The following ST14 variants were observed in gnomAD, a reference collection of about 807,000 sequenced individuals.
ST14 encodes the protein suppressor of tumorigenicity 14 protein.
Under a neutral mutation model 96.5 loss-of-function variants are expected in ST14, and 40 were observed. The ratio of observed to expected loss-of-function variants is 0.41; its 90% confidence interval spans 0.32 to 0.54. ST14 has a LOEUF of 0.54. ST14 is among the 20% of genes least tolerant of loss of function. The pLI is 0.17. For synonymous variants in ST14, 506 were observed against 492.1 expected (o/e 1.03, Z -0.37); for missense variants, 1,066 against 1,188.9 (o/e 0.90, Z 1.52).
chr11:130,163,627 G>A (rs1231045756), intron 1 of ST14, among the ~76,000 whole-genome samples: 1 of 152,184 alleles, frequency 6.6e-6, no homozygotes, highest in Non-Finnish European at 1.5e-5. Context: ...GTGAGGAAGA[G>A]GGTTGGGAAG....
At chr11:130,166,616 A>G (rs1305641537) in intron 1 of ST14, among the ~76,000 whole-genome samples, 1 of 152,226 alleles carries the variant, frequency 6.6e-6, no homozygotes, top group South Asian at 2.1e-4. Context: ...ATTATGAGTC[A>G]GAGCATCTGG....
intron 7 of ST14, among the ~76,000 whole-genome samples, chr11:130,193,754 G>A (rs886912510): frequency 5.2e-5 from 8 of 152,392 alleles, no homozygotes; most frequent in Admixed American, 5.2e-4. Context: ...ATAGGCGTGA[G>A]CCACTGCGCC....
intron 1 of ST14, among the ~76,000 whole-genome samples, chr11:130,168,839 G>A (rs900460672): frequency 6.6e-5 from 10 of 152,058 alleles, no homozygotes; most frequent in Admixed American, 1.3e-4. Flanking sequence ...CCATGGAAGC[G>A]TGTTTTAGAA....
chr11:130,193,539 G>A (rs969370970), intron 7 of ST14, among the ~76,000 whole-genome samples: 6 of 150,874 alleles, frequency 4.0e-5, no homozygotes, highest in Non-Finnish European at 5.9e-5. Context: ...GTGCGATCTC[G>A]GCTCACTGCA....
intron 16 of ST14, among the ~76,000 whole-genome samples, chr11:130,201,700 C>A (rs1391736960): frequency 6.6e-5 from 10 of 152,394 alleles, no homozygotes. Context: ...CTGCTTCAGC[C>A]TCCTGAGTAG....
intron 16 of ST14, among the ~76,000 whole-genome samples, chr11:130,207,272 C>T (rs778839460): frequency 1.3e-5 from 2 of 152,174 alleles, no homozygotes; most frequent in Non-Finnish European, 1.5e-5. Flanking sequence ...TGTGAGCCAG[C>T]GGGCACGGTG....
At chr11:130,176,474 C>G (rs1485610644) in intron 1 of ST14, among the ~76,000 whole-genome samples, 4 of 150,972 alleles carry the variant, frequency 2.6e-5, no homozygotes, top group Non-Finnish European at 1.5e-5. Flanking sequence ...CTGCAAGCTC[C>G]ACTTCCCGGG....
intron 7 of ST14, among the ~76,000 whole-genome samples, chr11:130,191,382 G>C (rs1315161991): frequency 6.6e-6 from 1 of 151,986 alleles, no homozygotes. Flanking sequence ...GGAATGAGGG[G>C]AAAATGTAAG....
chr11:130,161,074 G>A (rs555957520), intron 1 of ST14, among the ~76,000 whole-genome samples: 1 of 152,206 alleles, frequency 6.6e-6, no homozygotes, highest in Non-Finnish European at 1.5e-5. Flanking sequence ...CCTGATTTTG[G>A]TGCTGTCTCA....
At chr11:130,206,524 G>A (rs192559732) in intron 16 of ST14, among the ~76,000 whole-genome samples, 133 of 152,044 alleles carry the variant, frequency 8.7e-4, no homozygotes, top group Non-Finnish European at 1.7e-3. Context: ...TCAGCATTTA[G>A]GGGCTGCTCA....
Position 130,190,702 on chromosome 11 carries a change from C to T in ST14, c.875+8C>T, listed in dbSNP as rs1219766060. 2 of 1,568,494 alleles carry T rather than the reference C, an allele frequency of 1.3e-6. No homozygotes were observed. Among genetic ancestry groups the T allele is most frequent in the Non-Finnish European group, 1.7e-6 (2 of 1,157,284 alleles). ...GCCCCACGCCCTGGTGCAGTGAGTA[C>T]CCCGGGGGGCGGGTAGGGCTGTGGG... On this transcript the variant is annotated splice_region_variant and intron_variant, in intron 7 of 18. Coordinates refer to ENST00000278742, the MANE Select transcript of ST14 (RefSeq NM_021978.4).
At chr11:130,179,855 C>A (rs750514874) in intron 1 of ST14, among the ~76,000 whole-genome samples, 1 of 152,190 alleles carries the variant, frequency 6.6e-6, no homozygotes, top group East Asian at 1.9e-4. Context: ...TCCAGCACAA[C>A]CTTTAGCCAG....
At chr11:130,197,566 C>T (rs1364338432) in intron 11 of ST14, among the ~76,000 whole-genome samples, 3 of 152,248 alleles carry the variant, frequency 2.0e-5, no homozygotes, top group Non-Finnish European at 4.4e-5. Flanking sequence ...CTCTGCAGGG[C>T]ACCTGGGGCT....
chr11:130,164,332 G>A (rs1012967672), intron 1 of ST14, among the ~76,000 whole-genome samples: 5 of 152,024 alleles, frequency 3.3e-5, no homozygotes, highest in Non-Finnish European at 7.4e-5. Flanking sequence ...CCTAGTCCTG[G>A]GTCAGGCATG....
At chr11:130,174,280 T>C (rs577688213) in intron 1 of ST14, among the ~76,000 whole-genome samples, 21 of 152,338 alleles carry the variant, frequency 1.4e-4, no homozygotes, top group Admixed American at 1.2e-3. Flanking sequence ...CTCATTATTT[T>C]TGGACATCTT....
chr11:130,199,941 C>T lies in ST14; in HGVS notation c.1808-10C>T. 7 of 1,614,086 alleles carry T rather than the reference C, an allele frequency of 4.3e-6. No individual in the cohort carries two copies. The highest frequency in any genetic ancestry group is 5.9e-6 in the Non-Finnish European group (7 of 1,179,986). ...ACTTGCTGTCCTCTGGTTCTCTGCT[C>T]CCTCTGCAGACTGTGGGCTGCGGTC... On this transcript the variant is annotated splice_polypyrimidine_tract_variant and intron_variant, in intron 15 of 18. Coordinates refer to ENST00000278742, the MANE Select transcript of ST14 (RefSeq NM_021978.4).
chr11:130,208,137 C>G (rs1007061980), intron 16 of ST14, among the ~76,000 whole-genome samples: 12 of 152,128 alleles, frequency 7.9e-5, no homozygotes, highest in African/African-American at 2.7e-4. Context: ...TGTGAAAGAT[C>G]AGGTTCGTAA....
intron 7 of ST14, 69 bp from the exon 8 acceptor site, chr11:130,194,080 C>T (rs1050996071): frequency 3.7e-6 from 6 of 1,610,012 alleles, no homozygotes; most frequent in Non-Finnish European, 5.1e-6. Context: ...TGCCTGAGAG[C>T]CTGGTTTGGG....
At chr11:130,163,875 G>A (rs140809600) in intron 1 of ST14, among the ~76,000 whole-genome samples, 2 of 152,202 alleles carry the variant, frequency 1.3e-5, no homozygotes, top group African/African-American at 2.4e-5. Flanking sequence ...GGACCTGCTC[G>A]AGCCGACTTG....
Sources: allele counts gnomAD v4.1 joint callset (sites outside exome capture counted in the v4.1 genomes callset), GRCh38; gene constraint gnomAD v4.1.1; transcripts MANE v1.5; gene names NCBI Gene and HGNC (gene_info 2026-07-23, HGNC 2026-07-21).